The following CHCHD6 variants were observed in gnomAD, a reference collection of about 807,000 sequenced individuals.
CHCHD6 encodes the protein coiled-coil-helix-coiled-coil-helix domain containing 6.
Under a neutral mutation model 32.3 loss-of-function variants are expected in CHCHD6, and 28 were observed. That is an observed-to-expected ratio of 0.87 (90% CI 0.64 to 1.19). The LOEUF is 1.19. Ranked by LOEUF, CHCHD6 falls within the 50% of genes most tolerant of loss-of-function variation. The pLI, the probability that CHCHD6 is intolerant of heterozygous loss-of-function variation, is 0.00. For missense variants in CHCHD6, 333 were observed against 307.0 expected (o/e 1.08, Z -0.63); for synonymous variants, 122 against 117.5 (o/e 1.04, Z -0.25).
At chr3:126,881,013 A>C (rs774914556) in intron 5 of CHCHD6, among the ~76,000 whole-genome samples, 5 of 152,240 alleles carry the variant, frequency 3.3e-5, no homozygotes, top group Non-Finnish European at 5.9e-5. Flanking sequence ...ATAGGAGGAA[A>C]GATCTCTGAG....
intron 5 of CHCHD6, among the ~76,000 whole-genome samples, chr3:126,879,129 G>A (rs2077575957): frequency 6.6e-6 from 1 of 152,210 alleles, no homozygotes; most frequent in African/African-American, 2.4e-5. Flanking sequence ...GGAGCACAAG[G>A]TGTTTTGCAG....
chr3:126,764,200 C>CGTAT (rs367644239), intron 4 of CHCHD6, among the ~76,000 whole-genome samples: 1 of 139,816 alleles, frequency 7.2e-6, no homozygotes, highest in Non-Finnish European at 1.6e-5. Flanking sequence ...TACATACATG[C>CGTAT]ATATATATAT....
intron 5 of CHCHD6, among the ~76,000 whole-genome samples, chr3:126,888,755 C>T (rs565770140): frequency 2.6e-5 from 4 of 152,282 alleles, no homozygotes; most frequent in South Asian, 2.1e-4. Context: ...GCCTGCTCCC[C>T]CACCATGGAG....
chr3:126,888,957 C>G (rs906711450), intron 5 of CHCHD6, among the ~76,000 whole-genome samples: 31 of 152,236 alleles, frequency 2.0e-4, no homozygotes, highest in Non-Finnish European at 2.9e-5. Context: ...CCACAGCAGG[C>G]CTTCCGGTTG....
intron 5 of CHCHD6, among the ~76,000 whole-genome samples, chr3:126,866,022 A>G (rs1465216238): frequency 1.3e-5 from 2 of 152,170 alleles, no homozygotes; most frequent in East Asian, 3.9e-4. Flanking sequence ...TGGGGAGTGC[A>G]GAGAGAATCA....
chr3:126,930,111 G>GC (rs1450213412), intron 6 of CHCHD6, among the ~76,000 whole-genome samples: 1 of 152,204 alleles, frequency 6.6e-6, no homozygotes, highest in Non-Finnish European at 1.5e-5. Context: ...TCAGGCCGCT[G>GC]CATGCCCCGT....
intron 4 of CHCHD6, among the ~76,000 whole-genome samples, chr3:126,745,846 GC>G (rs1936477782): frequency 6.6e-6 from 1 of 152,202 alleles, no homozygotes; most frequent in Non-Finnish European, 1.5e-5. Flanking sequence ...TCTTGCTGAT[GC>G]CAGGACTGGC....
chr3:126,714,135 GC>G (rs1934897670), intron 1 of CHCHD6, among the ~76,000 whole-genome samples: 1 of 144,872 alleles, frequency 6.9e-6, no homozygotes, highest in Non-Finnish European at 1.5e-5. Flanking sequence ...TTTATTTTTA[GC>G]TTTTTTGGGG....
At chr3:126,765,174 C>T (rs933708009) in intron 4 of CHCHD6, among the ~76,000 whole-genome samples, 1 of 152,152 alleles carries the variant, frequency 6.6e-6, no homozygotes, top group African/African-American at 2.4e-5. Flanking sequence ...TTTAACTTTC[C>T]CATCTACCCA....
chr3:126,708,922 A>T (rs1467391204), intron 1 of CHCHD6, among the ~76,000 whole-genome samples: 1 of 152,144 alleles, frequency 6.6e-6, no homozygotes, highest in Non-Finnish European at 1.5e-5. Flanking sequence ...TTGGTCTTTC[A>T]ATGACCTATC....
chr3:126,909,985 A>C (rs2078063269), intron 5 of CHCHD6, among the ~76,000 whole-genome samples: 1 of 152,204 alleles, frequency 6.6e-6, no homozygotes, highest in African/African-American at 2.4e-5. Flanking sequence ...TTCTTTTAAA[A>C]ACACAAATCA....
At chr3:126,769,760 C>T (rs1170568568) in intron 4 of CHCHD6, among the ~76,000 whole-genome samples, 2 of 152,184 alleles carry the variant, frequency 1.3e-5, no homozygotes, top group Admixed American at 6.5e-5. Flanking sequence ...CCCAGCTTGG[C>T]CTCCCAAAGT....
At chr3:126,923,962 G>T (rs1490640020) in intron 6 of CHCHD6, among the ~76,000 whole-genome samples, 1 of 152,196 alleles carries the variant, frequency 6.6e-6, no homozygotes, top group Non-Finnish European at 1.5e-5. Flanking sequence ...TCCTTTTGGG[G>T]ATGTATCCCA....
At chr3:126,907,881 A>C (rs2078028333) in intron 5 of CHCHD6, among the ~76,000 whole-genome samples, 1 of 152,130 alleles carries the variant, frequency 6.6e-6, no homozygotes, top group African/African-American at 2.4e-5. Flanking sequence ...TTTCTTCCCA[A>C]GGGACAGCTG....
chr3:126,943,662 G>A (rs2078594723), intron 6 of CHCHD6, among the ~76,000 whole-genome samples: 4 of 152,182 alleles, frequency 2.6e-5, no homozygotes, highest in Non-Finnish European at 5.9e-5. Context: ...TGGTGTCCGT[G>A]ATGGGGTAGC....
intron 5 of CHCHD6, among the ~76,000 whole-genome samples, chr3:126,869,719 T>C (rs1464418462): frequency 6.6e-6 from 1 of 152,214 alleles, no homozygotes; most frequent in Non-Finnish European, 1.5e-5. Context: ...GATCTGTTGG[T>C]TTAATGTTAT....
intron 6 of CHCHD6, among the ~76,000 whole-genome samples, chr3:126,931,147 C>T (rs1477915259): frequency 5.9e-5 from 9 of 152,216 alleles, no homozygotes; most frequent in African/African-American, 2.2e-4. Flanking sequence ...TTCCCACCGT[C>T]ACTGCCCAGC....
At chr3:126,807,571 A>G (rs1939457143) in intron 4 of CHCHD6, among the ~76,000 whole-genome samples, 1 of 152,216 alleles carries the variant, frequency 6.6e-6, no homozygotes, top group Non-Finnish European at 1.5e-5. Context: ...TAGCAGTACC[A>G]GAAAGAGGAA....
rs1393114958 is a variant in CHCHD6, at chr3:126,773,367, T to C, written c.411+40145T>C. ...AGGTTAGAACAGATGCACACAATAA[T>C]TTACGAGTAATACCTGCCGTGCTCC... is the stretch of plus-strand genomic sequence containing the variant. On this transcript the variant is annotated intron_variant, in intron 4 of 7. Transcript: ENST00000290913. Among the ~76,000 whole-genome samples, 3 of 152,256 alleles carry C rather than the reference T, an allele frequency of 2.0e-5. No individual in the cohort carries two copies. In the East Asian group the frequency reaches 5.8e-4, roughly 29 times the overall value.
Sources: allele counts gnomAD v4.1 joint callset (sites outside exome capture counted in the v4.1 genomes callset), GRCh38; gene constraint gnomAD v4.1.1; transcripts MANE v1.5; gene names NCBI Gene and HGNC (gene_info 2026-07-23, HGNC 2026-07-21).